LZTS3: variants seen among roughly 807,000 people sequenced by gnomAD.
LZTS3 encodes leucine zipper tumor suppressor family member 3.
A neutral mutation model predicts 50.9 loss-of-function variants in LZTS3; 16 were observed. The observed-to-expected ratio is 0.31, with a 90% CI of 0.21 to 0.48. The LOEUF is 0.48. LZTS3 is among the 20% of genes least tolerant of loss of function. The pLI, the probability that LZTS3 is intolerant of heterozygous loss-of-function variation, is 0.99. For synonymous variants in LZTS3, 408 were observed against 410.6 expected, an observed-to-expected ratio of 0.99 and a Z score of 0.08; for missense variants, 816 against 931.0, an observed-to-expected ratio of 0.88 and a Z score of 1.61.
Position 3,165,279 on chromosome 20 carries a change from A to G in LZTS3, c.1324-127T>C. ...GCTGCAGGCTCAGCCCCTCATCAGC[A>G]GCGACGCACCCGATTCCCTGCCTGG... is the stretch of plus-strand genomic sequence containing the variant. On this transcript the variant is annotated intron_variant, in intron 4 of 4. Coordinates refer to ENST00000337576, the MANE Select transcript of LZTS3 (RefSeq NM_001365618.1). The surrounding 1 kb of genome is among the most constrained non-coding windows in gnomAD (Gnocchi z 5.0). 3 of 1,178,746 alleles carry G rather than the reference A, an allele frequency of 2.5e-6. No homozygotes were observed. In the South Asian group the frequency reaches 4.8e-5, roughly 19 times the overall value. 73.0% of individuals were successfully genotyped at this position (1,178,746 alleles called of 1,614,324 possible). A position where few individuals can be genotyped will look rare whatever the true frequency, so the allele number is the denominator to read the frequency against.
In LZTS3 at chr20:3,173,504, C is replaced by A. The variant is rs1344931640; in HGVS notation, c.-292G>T. ...GGTCTCCGACACGGGCGCCACCGGCCCCGCTTGCTGGCGCAGCCCGAAGCA... is the reference window on the plus strand; with the variant it reads ...GGTCTCCGACACGGGCGCCACCGGCACCGCTTGCTGGCGCAGCCCGAAGCA... On this transcript the variant is annotated 5_prime_UTR_variant, in exon 1 of 5. Transcript: ENST00000337576. The A allele has an allele frequency of 2.0e-5, 3 of 151,610 alleles. No individual in the cohort carries two copies. The highest frequency in any genetic ancestry group is 1.3e-4 in the Admixed American group (2 of 15,210). 9.4% of individuals were successfully genotyped at this position (151,610 alleles called of 1,614,324 possible).
chr20:3,167,415 C>G (rs1447167151), intron 2 of LZTS3: 10 of 1,228,192 alleles, frequency 8.1e-6, no homozygotes, highest in Non-Finnish European at 1.0e-5. Flanking sequence ...GCTCCATGCA[C>G]ATAGCCCCCA....
Position 3,164,192 on chromosome 20 carries a change from T to TCCC in LZTS3, c.*259_*261dup. On this transcript the variant is annotated 3_prime_UTR_variant, in exon 5 of 5. Transcript: ENST00000337576. Reference sequence around the variant, plus strand: ...GGGGTGCCGAGAAAGGGAGCATGACTCCCCCACCACCTAGGATTGCCCCCA... The same window carrying TCCC: ...GGGGTGCCGAGAAAGGGAGCATGACTCCCCCCCCACCACCTAGGATTGCCCCCA... The TCCC allele has an allele frequency of 4.9e-6, 2 of 411,636 alleles. No individual in the cohort carries two copies. The highest frequency in any genetic ancestry group is 8.5e-6 in the Non-Finnish European group (2 of 236,046). The allele number at this position is 411,636 out of a possible 1,614,324, so 25.5% of individuals were successfully genotyped here.
rs764234215 is a variant in LZTS3, at chr20:3,164,606, C to A, written c.1870G>T (p.Val624Leu). 3.1e-6 allele frequency: 5 copies of A among 1,612,760 alleles called. No homozygotes were observed. Among genetic ancestry groups the A allele is most frequent in the Non-Finnish European group, 4.2e-6 (5 of 1,179,390 alleles). The part of the protein sequence containing the change: ...EYQKQLQLSY[V>L]EMYQRNQQLE... ...TGCTGGTTGCGCTGGTACATCTCCA[C>A]GTAGCTCAGCTGCAGCTGCTTCTGG... Residue 624 changes from valine to leucine, a missense_variant, in exon 5 of 5, where the codon GTG becomes TTG. By Grantham distance (32) the Val-to-Leu change is conservative. This residue lies in a region of LZTS3 where 107 missense variants were observed against 130.4 expected (regional missense o/e 0.82). Transcript: ENST00000337576.
At position 3,165,409 on chromosome 20, in the gene LZTS3, C is replaced by T; in HGVS notation, c.1323+88G>A. On this transcript the variant is annotated intron_variant, in intron 4 of 4. Transcript: ENST00000337576. The surrounding 1 kb of genome is among the most constrained non-coding windows in gnomAD (Gnocchi z 5.0). Reference sequence around the variant, plus strand: ...TCCTTTCATCCCCCCCCCCATCCCACCGTTATGATAGTGAGGGGCAACTGC... The same window carrying T: ...TCCTTTCATCCCCCCCCCCATCCCATCGTTATGATAGTGAGGGGCAACTGC... The T allele has an allele frequency of 7.6e-7, 1 of 1,309,862 alleles. No homozygotes were observed. The highest frequency in any genetic ancestry group is 1.0e-6 in the Non-Finnish European group (1 of 999,042). 81.1% of individuals were successfully genotyped at this position (1,309,862 alleles called of 1,614,324 possible).
rs967008718 is a variant in LZTS3 at position 3,164,981 on chromosome 20, TGAA to T, written c.1492_1494del (p.Phe498del). On this transcript the variant is annotated inframe_deletion, in exon 5 of 5. Coordinates refer to ENST00000337576, the MANE Select transcript of LZTS3 (RefSeq NM_001365618.1). ...AGCTCCAGGCTGGCCTGCTTGCTGCTGAAGGAGTCCCGCAGGCTGAGCAGCTGC... is the reference window on the plus strand; with the variant it reads ...AGCTCCAGGCTGGCCTGCTTGCTGCTGGAGTCCCGCAGGCTGAGCAGCTGC... The T allele has an allele frequency of 1.3e-6, 2 of 1,558,448 alleles. No individual in the cohort carries two copies. Among genetic ancestry groups the T allele is most frequent in the Non-Finnish European group, 1.7e-6 (2 of 1,156,506 alleles).
chr20:3,170,743 A>G (rs537453480), intron 1 of LZTS3, among the ~76,000 whole-genome samples: 13 of 152,202 alleles, frequency 8.5e-5, no homozygotes, highest in Admixed American at 7.2e-4. Context: ...CAGTGAGCCA[A>G]GATCGCACCA....
intron 1 of LZTS3, among the ~76,000 whole-genome samples, chr20:3,170,438 G>A (rs963882134): frequency 3.7e-5 from 5 of 135,370 alleles, no homozygotes; most frequent in African/African-American, 8.7e-5. Context: ...GCAGTAAGCC[G>A]AGATCATGCC....
chr20:3,166,758 G>C lies in LZTS3; in HGVS notation c.406C>G (p.Arg136Gly), dbSNP rs375055779. The change falls in exon 3 of 5, where the codon CGT (arginine) becomes GGT (glycine). Residue 136 changes from arginine (R) to glycine (G), a missense_variant. By Grantham distance (125) the Arg-to-Gly change is moderately radical (BLOSUM62 -2). This residue lies in a region of LZTS3 where 700 missense variants were observed against 769.4 expected (regional missense o/e 0.91). Coordinates refer to ENST00000337576, the MANE Select transcript of LZTS3 (RefSeq NM_001365618.1). ...GGSDKAPPQYREPSHPPKLLA... is the reference protein window; with the variant it reads ...GGSDKAPPQYGEPSHPPKLLA... ...AGCTTGGGTGGGTGGCTGGGCTCAC[G>C]ATACTGCGGTGGGGCTTTGTCACTG... 2 of 1,613,918 alleles carry C rather than the reference G, an allele frequency of 1.2e-6. No individual in the cohort carries two copies. Among genetic ancestry groups the C allele is most frequent in the Non-Finnish European group, 1.7e-6 (2 of 1,180,020 alleles).
At position 3,166,802 on chromosome 20, in the gene LZTS3, C is replaced by T. The variant is rs770383956; in HGVS notation, c.362G>A (p.Gly121Asp). 6.2e-7 allele frequency: 1 copy of T among 1,613,878 alleles called. No homozygotes were observed. Among genetic ancestry groups the T allele is most frequent in the South Asian group, 1.1e-5 (1 of 91,084 alleles). The change falls in exon 3 of 5, where the codon GGC (glycine) becomes GAC (aspartate). Residue 121 changes from glycine (G) to aspartate (D), a missense_variant. Physicochemically the swap from Gly to Asp is moderately conservative, Grantham distance 94. Around this residue, in one of 3 missense-constraint regions of LZTS3, gnomAD observed 700 missense variants for 769.4 expected, o/e 0.91. Transcript: ENST00000337576. ...GTCACTGCCACCACTGCTGCTGCTG[C>T]CTCCGCTGCTGCCAACCACGTTGCC... ...VCGNVVGSSG[G>D]SSSSGGSDKA...
chr20:3,165,222 G>T lies in LZTS3; in HGVS notation c.1324-70C>A. ...TCTGCTCACCCCAACCCAGCTACCAGATCTGGAGCCAGGGGCACCAAGCTT... is the reference window on the plus strand; with the variant it reads ...TCTGCTCACCCCAACCCAGCTACCATATCTGGAGCCAGGGGCACCAAGCTT... On this transcript the variant is annotated intron_variant, in intron 4 of 4. Coordinates refer to ENST00000337576, the MANE Select transcript of LZTS3 (RefSeq NM_001365618.1). The surrounding 1 kb of genome is among the most constrained non-coding windows in gnomAD (Gnocchi z 5.0). The T allele has an allele frequency of 7.2e-7, 1 of 1,396,400 alleles. No individual in the cohort carries two copies. The highest frequency in any genetic ancestry group is 9.4e-7 in the Non-Finnish European group (1 of 1,060,882). The allele number at this position is 1,396,400 out of a possible 1,614,324, so 86.5% of individuals were successfully genotyped here.
chr20:3,167,349 G>C (rs965751732), intron 2 of LZTS3, 168 bp from the exon 3 acceptor site: 3 of 1,354,370 alleles, frequency 2.2e-6, no homozygotes, highest in Middle Eastern at 2.7e-4. Context: ...GGATAAAAGA[G>C]AGAACTTGGG....
chr20:3,167,380 C>T (rs1311245078), intron 2 of LZTS3, 199 bp from the exon 3 acceptor site: 3 of 1,340,198 alleles, frequency 2.2e-6, no homozygotes, highest in South Asian at 2.3e-5. Context: ...GCCTGTTGCC[C>T]ACCTGATAAA....
Position 3,165,506 on chromosome 20 carries a change from A to G in LZTS3, c.1314T>C (p.Thr438=), listed in dbSNP as rs2066799582. The G allele has an allele frequency of 6.5e-7, 1 of 1,533,086 alleles. No homozygotes were observed. The highest frequency in any genetic ancestry group is 1.2e-5 in the South Asian group (1 of 80,628). 95.0% of individuals were successfully genotyped at this position (1,533,086 alleles called of 1,614,324 possible). ...QADFLPRIEE[T]KWEVCQKAGE... ...GATCCCCAGCCCGCACCTCCCACTTAGTTTCCTCTATCCGGGGCAGGAAGT... is the reference window on the plus strand; with the variant it reads ...GATCCCCAGCCCGCACCTCCCACTTGGTTTCCTCTATCCGGGGCAGGAAGT... Residue 438 remains threonine (T), a synonymous_variant, in exon 4 of 5, where the codon ACT becomes ACC. Transcript: ENST00000337576. The surrounding 1 kb of genome is among the most constrained non-coding windows in gnomAD (Gnocchi z 5.0).
At position 3,167,883 on chromosome 20, in the gene LZTS3, C is replaced by G. The variant is rs376411282; in HGVS notation, c.-164G>C. Reference sequence around the variant, plus strand: ...CTGCAGGGGCCATGTGCCTCACTCTCGCAGTCGGGGCTCGGCCCGAACCAG... The same window carrying G: ...CTGCAGGGGCCATGTGCCTCACTCTGGCAGTCGGGGCTCGGCCCGAACCAG... On this transcript the variant is annotated 5_prime_UTR_variant, in exon 2 of 5. Coordinates refer to ENST00000337576, the MANE Select transcript of LZTS3 (RefSeq NM_001365618.1). The G allele has an allele frequency of 1.0e-4, 101 of 985,186 alleles. No individual in the cohort carries two copies. In the East Asian group the frequency reaches 7.7e-3, roughly 75 times the overall value. 61.0% of individuals were successfully genotyped at this position (985,186 alleles called of 1,614,324 possible).
Position 3,163,250 on chromosome 20 carries a change from T to C in LZTS3, c.*1204A>G, listed in dbSNP as rs2066757921. 6.5e-6 allele frequency: 1 copy of C among 152,676 alleles called. No homozygotes were observed. The highest frequency in any genetic ancestry group is 2.1e-4 in the South Asian group (1 of 4,834). 9.5% of individuals were successfully genotyped at this position (152,676 alleles called of 1,614,324 possible). A position where few individuals can be genotyped will look rare whatever the true frequency, so the allele number is the denominator to read the frequency against. ...CCCAAGAGAAGCAGCTGACATTGGC[T>C]GACCTAACCCCTCATGCCAGGCCTA... On this transcript the variant is annotated 3_prime_UTR_variant, in exon 5 of 5. Coordinates refer to ENST00000337576, the MANE Select transcript of LZTS3 (RefSeq NM_001365618.1). The surrounding 1 kb of genome is among the most constrained non-coding windows in gnomAD (Gnocchi z 5.2).
intron 1 of LZTS3, among the ~76,000 whole-genome samples, chr20:3,169,954 G>A: frequency 6.6e-6 from 1 of 151,368 alleles, no homozygotes; most frequent in East Asian, 1.9e-4. Flanking sequence ...GGTGCTGGGG[G>A]TGTAGGCCAG....
At chr20:3,167,381 A>G in intron 2 of LZTS3, 200 bp from the exon 3 acceptor site, 1 of 1,337,158 alleles carries the variant, frequency 7.5e-7, no homozygotes, top group Non-Finnish European at 9.5e-7. Flanking sequence ...CCTGTTGCCC[A>G]CCTGATAAAG....
rs1324757553 is a variant in LZTS3 at position 3,163,863 on chromosome 20, C to G, written c.*591G>C. 6.6e-6 allele frequency: 1 copy of G among 152,504 alleles called. No homozygotes were observed. The highest frequency in any genetic ancestry group is 2.4e-5 in the African/African-American group (1 of 41,458). The allele number at this position is 152,504 out of a possible 1,614,324, so 9.4% of individuals were successfully genotyped here. ...CAGGCCAGGCTCTGAGGCCTGAGTC[C>G]AAGAGATCTTGTTGGGGGAGGGGCT... On this transcript the variant is annotated 3_prime_UTR_variant, in exon 5 of 5. Transcript: ENST00000337576. This position sits in a 1 kb window ranked among gnomAD's most constrained non-coding sequence, Gnocchi z 5.2.
Sources: gnomAD v4.1 joint callset for allele counts (sites outside exome capture counted in the v4.1 genomes callset) on GRCh38, gnomAD v4.1.1 for gene constraint, gnomAD v4.1.1 regional missense constraint, Gnocchi (gnomAD v3.1) non-coding constraint, MANE v1.5 for transcripts, NCBI Gene and HGNC (gene_info 2026-07-23, HGNC 2026-07-21) for gene names.